Variants in CEP250 observed in about 807,000 individuals in gnomAD.
CEP250 encodes centrosome-associated protein CEP250.
In CEP250, 242 loss-of-function variants were observed where a neutral mutation model predicts 315.7. That is an observed-to-expected ratio of 0.77 (90% CI 0.69 to 0.85). The LOEUF (loss-of-function observed/expected upper bound fraction) is 0.85, where lower values mean the gene tolerates loss of function less well. CEP250 is among the 40% of genes least tolerant of loss of function. CEP250 has a pLI of 0.00. For synonymous variants in CEP250, 1,088 were observed against 1,175.0 expected, an observed-to-expected ratio of 0.93 and a Z score of 1.51; for missense variants, 2,515 against 2,886.4, an observed-to-expected ratio of 0.87 and a Z score of 2.95.
intron 7 of CEP250, 137 bp from the exon 8 acceptor site, chr20:35,466,829 G>A: frequency 1.6e-6 from 1 of 630,022 alleles, no homozygotes; most frequent in Non-Finnish European, 2.9e-6. Flanking sequence ...CCATAACCTG[G>A]ATAGATACCC....
At chr20:35,490,928 C>T in intron 21 of CEP250, 124 bp downstream of exon 21, 1 of 1,192,534 alleles carries the variant, frequency 8.4e-7, no homozygotes, top group Non-Finnish European at 1.2e-6. Flanking sequence ...TAGCTACCCA[C>T]TTTGCTAACA....
intron 21 of CEP250, 105 bp from the exon 22 acceptor site, chr20:35,491,107 C>T (rs1476272731): frequency 7.2e-7 from 1 of 1,393,300 alleles, no homozygotes; most frequent in Admixed American, 2.2e-5. Flanking sequence ...CAGCCCCTTC[C>T]CATTTGCTAG....
In CEP250 at chr20:35,475,580, G is replaced by A; in HGVS notation, c.1650G>A (p.Glu550=). 1.2e-6 allele frequency: 2 copies of A among 1,614,194 alleles called. No individual in the cohort carries two copies. The highest frequency in any genetic ancestry group is 2.2e-5 in the East Asian group (1 of 44,866). Reference sequence around the variant, plus strand: ...TGATCACTCTTCGGGAAGCCCTGGAGTCAAGTCACCTGGAAGGGGAGTTAC... The same window carrying A: ...TGATCACTCTTCGGGAAGCCCTGGAATCAAGTCACCTGGAAGGGGAGTTAC... ...SELITLREAL[E]SSHLEGELLR... Residue 550 remains glutamate (E), a synonymous_variant, in exon 15 of 35, where the codon GAG becomes GAA. Transcript: ENST00000397527.
Position 35,473,449 on chromosome 20 carries a change from G to A in CEP250, c.1285G>A (p.Glu429Lys), listed in dbSNP as rs763146610. The A allele has an allele frequency of 1.9e-6, 3 of 1,614,100 alleles. No homozygotes were observed. The African/African-American group carries it at 4.0e-5, about 22-fold the overall frequency. Reference protein sequence around the residue: ...LQQQHDQWEEEGKALRQRLQK... With the variant: ...LQQQHDQWEEKGKALRQRLQK... ...ACAGCAGCATGATCAGTGGGAGGAAGAGGGCAAAGCCTTGAGACAGCGGCT... is the reference window on the plus strand; with the variant it reads ...ACAGCAGCATGATCAGTGGGAGGAAAAGGGCAAAGCCTTGAGACAGCGGCT... The change falls in exon 13 of 35, where the codon GAG (glutamate) becomes AAG (lysine). Residue 429 changes from glutamate to lysine, a missense_variant. Glu to Lys is a moderately conservative substitution (Grantham distance 56, BLOSUM62 1). Transcript: ENST00000397527.
intron 20 of CEP250, among the ~76,000 whole-genome samples, chr20:35,490,393 GT>G (rs2063651671): frequency 6.6e-6 from 1 of 152,134 alleles, no homozygotes; most frequent in Non-Finnish European, 1.5e-5. Context: ...AGTTTGGAAG[GT>G]ACTTCCACAT....
chr20:35,510,485 G>A (rs986818387), intron 34 of CEP250, among the ~76,000 whole-genome samples: 10 of 152,162 alleles, frequency 6.6e-5, no homozygotes, highest in African/African-American at 2.4e-4. Flanking sequence ...AGCTCAAGCC[G>A]CCACTCGCAG....
In CEP250 at chr20:35,472,888, TG is replaced by T. The variant is rs758895945; in HGVS notation, c.1209+58del. On this transcript the variant is annotated intron_variant, in intron 12 of 34. Transcript: ENST00000397527. ...AGGGGTTTGTGTCTAAACTGGTTTG[TG>T]CCTCAGGTACCTCCCTAGCCTGGAC... 6.9e-5 allele frequency: 108 copies of T among 1,573,600 alleles called. No homozygotes were observed. The South Asian group carries it at 7.5e-4, about 11-fold the overall frequency.
rs200151359 is a variant in CEP250 at position 35,511,648 on chromosome 20, A to G, written c.*22A>G. On this transcript the variant is annotated 3_prime_UTR_variant, in exon 35 of 35. Transcript: ENST00000397527. ...GTAGCAGCCACAGCCAGGAGCACACAGACAGAAGACTGTGTCATGGGTCAT... is the reference window on the plus strand; with the variant it reads ...GTAGCAGCCACAGCCAGGAGCACACGGACAGAAGACTGTGTCATGGGTCAT... The G allele has an allele frequency of 1.9e-4, 299 of 1,597,956 alleles. No homozygotes were observed. The highest frequency in any genetic ancestry group is 5.1e-4 in the African/African-American group (38 of 74,770).
intron 10 of CEP250, among the ~76,000 whole-genome samples, chr20:35,471,545 A>G (rs1045913174): frequency 2.0e-5 from 3 of 152,068 alleles, no homozygotes; most frequent in Admixed American, 1.3e-4. Context: ...GAAGAGAGGA[A>G]CTCTTGAGTC....
chr20:35,467,784 G>C (rs2062924724), intron 9 of CEP250, among the ~76,000 whole-genome samples: 1 of 152,064 alleles, frequency 6.6e-6, no homozygotes, highest in Non-Finnish European at 1.5e-5. Flanking sequence ...TATGGAGCTA[G>C]CTATGACTCC....
At chr20:35,487,208 C>T (rs1302453246) in intron 20 of CEP250, among the ~76,000 whole-genome samples, 3 of 152,162 alleles carry the variant, frequency 2.0e-5, no homozygotes, top group African/African-American at 7.2e-5. Flanking sequence ...TGGCTCACAC[C>T]TGTAATCCCA....
intron 5 of CEP250, among the ~76,000 whole-genome samples, chr20:35,465,442 GA>G (rs1568757692): frequency 7.1e-6 from 1 of 140,586 alleles, no homozygotes; most frequent in African/African-American, 3.0e-5. Context: ...AAAAAAAAAT[GA>G]AAGAAGTTAA....
intron 21 of CEP250, 160 bp from the exon 22 acceptor site, chr20:35,491,052 C>A: frequency 2.2e-6 from 2 of 906,244 alleles, no homozygotes; most frequent in Non-Finnish European, 3.3e-6. Context: ...GTAATCTTTG[C>A]ACTTCCTTGT....
chr20:35,492,334 G>A (rs1264802321), intron 22 of CEP250, among the ~76,000 whole-genome samples: 1 of 152,172 alleles, frequency 6.6e-6, no homozygotes, highest in Non-Finnish European at 1.5e-5. Context: ...GGGGAATGGG[G>A]ATTGACTGTG....
intron 11 of CEP250, among the ~76,000 whole-genome samples, 191 bp downstream of exon 11, chr20:35,472,342 A>T (rs970123335): frequency 6.6e-6 from 1 of 152,206 alleles, no homozygotes; most frequent in African/African-American, 2.4e-5. Context: ...GCACTACCTG[A>T]TGGGACAGGC....
At chr20:35,470,576 C>G (rs1034483220) in intron 10 of CEP250, among the ~76,000 whole-genome samples, 1 of 152,050 alleles carries the variant, frequency 6.6e-6, no homozygotes, top group Admixed American at 6.6e-5. Flanking sequence ...ATGCAGAAAC[C>G]CCGTCTCTAC....
rs1444293982 is a variant in CEP250, at chr20:35,495,535, A to G, written c.3167+878A>G. On this transcript the variant is annotated intron_variant, in intron 24 of 34. Coordinates refer to ENST00000397527, the MANE Select transcript of CEP250 (RefSeq NM_007186.6). The stretch of plus-strand genomic sequence containing the variant: ...AGCACTTTGGGAGGCTGAGGTGGGC[A>G]GATCACTTGAGGTCAGGAATTCAAG... 2.0e-5 allele frequency among the ~76,000 whole-genome samples: 3 copies of G among 152,196 alleles called. No individual in the cohort carries two copies. In the East Asian group the frequency reaches 5.8e-4, roughly 29 times the overall value.
At chr20:35,488,924 AC>A (rs2063601786) in intron 20 of CEP250, among the ~76,000 whole-genome samples, 1 of 152,016 alleles carries the variant, frequency 6.6e-6, no homozygotes, top group Non-Finnish European at 1.5e-5. Context: ...AGTGGCTCAC[AC>A]CTGTAATCCT....
At chr20:35,468,964 C>A (rs191368265) in intron 9 of CEP250, among the ~76,000 whole-genome samples, 43 of 152,252 alleles carry the variant, frequency 2.8e-4, no homozygotes, top group African/African-American at 1.0e-3. Flanking sequence ...GGTTGAGCCA[C>A]CGTGGCTGGC....
Sources: gnomAD v4.1 joint callset for allele counts (sites outside exome capture counted in the v4.1 genomes callset) on GRCh38, gnomAD v4.1.1 for gene constraint, MANE v1.5 for transcripts, NCBI Gene and HGNC (gene_info 2026-07-23, HGNC 2026-07-21) for gene names.